SRRM4: variants seen among roughly 807,000 people sequenced by gnomAD.
The protein encoded by SRRM4 is serine/arginine repetitive matrix protein 4.
A neutral mutation model predicts 68.9 loss-of-function variants in SRRM4; 33 were observed. That is an observed-to-expected ratio of 0.48 (90% CI 0.36 to 0.64). The LOEUF is 0.64. Among genes scored for constraint, SRRM4 ranks in the 30% least tolerant of loss-of-function variants. The pLI, the probability that SRRM4 is intolerant of heterozygous loss-of-function variation, is 0.00. For synonymous variants in SRRM4, 318 were observed against 318.8 expected (o/e 1.00, Z 0.03); for missense variants, 817 against 827.1 (o/e 0.99, Z 0.15).
intron 1 of SRRM4, among the ~76,000 whole-genome samples, chr12:119,005,846 A>G (rs905873586): frequency 6.6e-6 from 1 of 152,152 alleles, no homozygotes; most frequent in Non-Finnish European, 1.5e-5. Flanking sequence ...ACATCCATTG[A>G]TGGTTGAATT....
intron 7 of SRRM4, among the ~76,000 whole-genome samples, chr12:119,126,236 C>G (rs1954259427): frequency 1.3e-5 from 2 of 151,788 alleles, no homozygotes; most frequent in African/African-American, 4.8e-5. Context: ...GTTGGCCAGG[C>G]TAGTCTCAAA....
At chr12:119,097,503 T>G (rs574726167) in intron 1 of SRRM4, among the ~76,000 whole-genome samples, 1 of 152,352 alleles carries the variant, frequency 6.6e-6, no homozygotes, top group Admixed American at 6.5e-5. Context: ...CCTCAGCATT[T>G]CCTCTCTGCC....
At chr12:119,010,014 G>A (rs1953439004) in intron 1 of SRRM4, among the ~76,000 whole-genome samples, 1 of 152,090 alleles carries the variant, frequency 6.6e-6, no homozygotes, top group Admixed American at 6.5e-5. Context: ...TATTTTCTTT[G>A]TATGGGAAGC....
At chr12:119,152,890 A>C (rs189145560) in intron 10 of SRRM4, among the ~76,000 whole-genome samples, 52 of 152,368 alleles carry the variant, frequency 3.4e-4, no homozygotes, top group African/African-American at 1.2e-3. Context: ...ATAGTCTACA[A>C]AAATCAAGAG....
At chr12:119,014,504 G>T (rs1953469355) in intron 1 of SRRM4, among the ~76,000 whole-genome samples, 1 of 152,104 alleles carries the variant, frequency 6.6e-6, no homozygotes. Context: ...AAGGAAGGCA[G>T]GTATTAGAGG....
chr12:119,127,200 A>C (rs1954266973), intron 7 of SRRM4, among the ~76,000 whole-genome samples: 1 of 152,036 alleles, frequency 6.6e-6, no homozygotes, highest in Admixed American at 6.6e-5. Context: ...CCTAAAACTT[A>C]AAGTATAATA....
chr12:119,102,097 A>C, intron 1 of SRRM4, 139 bp from the exon 2 acceptor site: 7 of 770,944 alleles, frequency 9.1e-6, no homozygotes, highest in Non-Finnish European at 1.4e-5. Context: ...CTTAGAGACC[A>C]TTGGCCAAAG....
At chr12:119,081,097 GA>G (rs1953945134) in intron 1 of SRRM4, among the ~76,000 whole-genome samples, 1 of 152,314 alleles carries the variant, frequency 6.6e-6, no homozygotes, top group South Asian at 2.1e-4. Context: ...AAAGATCCGA[GA>G]AATAGCTGTG....
Position 119,160,061 on chromosome 12 carries a change from C to T in SRRM4, c.*3263C>T, listed in dbSNP as rs1403897574. ...AGACAGCTCTTGCCCTTTCCAAAGT[C>T]ACTGTCCACTGCCTTGCAATTGCCA... On this transcript the variant is annotated 3_prime_UTR_variant, in exon 13 of 13. Transcript: ENST00000267260. 2 of 152,272 alleles carry T rather than the reference C, an allele frequency of 1.3e-5. No individual in the cohort carries two copies. Among genetic ancestry groups the T allele is most frequent in the African/African-American group, 4.8e-5 (2 of 41,440 alleles). The allele number at this position is 152,272 out of a possible 1,614,324, so 9.4% of individuals were successfully genotyped here.
At chr12:119,021,279 A>G (rs910974530) in intron 1 of SRRM4, among the ~76,000 whole-genome samples, 2 of 152,204 alleles carry the variant, frequency 1.3e-5, no homozygotes, top group Admixed American at 6.5e-5. Context: ...GAAAAAAAAG[A>G]AGTGATCCTA....
intron 3 of SRRM4, among the ~76,000 whole-genome samples, chr12:119,116,466 C>G (rs1325998287): frequency 6.6e-6 from 1 of 152,152 alleles, no homozygotes; most frequent in Non-Finnish European, 1.5e-5. Context: ...GAAGGGAGAA[C>G]AGCAGACAGA....
At chr12:119,080,091 G>A (rs757230543) in intron 1 of SRRM4, among the ~76,000 whole-genome samples, 2 of 152,092 alleles carry the variant, frequency 1.3e-5, no homozygotes, top group Non-Finnish European at 2.9e-5. Context: ...AAAACGTGGG[G>A]TGTCATCCTG....
intron 2 of SRRM4, among the ~76,000 whole-genome samples, chr12:119,106,315 C>A (rs1360657637): frequency 6.6e-6 from 1 of 152,240 alleles, no homozygotes; most frequent in South Asian, 2.1e-4. Flanking sequence ...TCCATATGAA[C>A]TTTAAAGTAG....
At chr12:119,069,846 T>G (rs1953866953) in intron 1 of SRRM4, among the ~76,000 whole-genome samples, 2 of 152,310 alleles carry the variant, frequency 1.3e-5, no homozygotes, top group Non-Finnish European at 1.5e-5. Context: ...GCTAGCTCTG[T>G]GCATTTCCAA....
chr12:119,089,765 A>C (rs79951172), intron 1 of SRRM4, among the ~76,000 whole-genome samples: 4 of 141,726 alleles, frequency 2.8e-5, no homozygotes, highest in African/African-American at 7.9e-5. Flanking sequence ...CATCATCATC[A>C]TCCTCACCAT....
At chr12:119,125,502 T>C in intron 7 of SRRM4, 23 bp downstream of exon 7, 2 of 1,602,690 alleles carry the variant, frequency 1.2e-6, no homozygotes, top group South Asian at 1.1e-5. Context: ...CCCAGGATCC[T>C]CTTCTGTCAG....
At chr12:119,064,138 C>T (rs540177384) in intron 1 of SRRM4, among the ~76,000 whole-genome samples, 2 of 152,254 alleles carry the variant, frequency 1.3e-5, no homozygotes, top group South Asian at 4.2e-4. Flanking sequence ...ATGAATAATC[C>T]ACATCAAGGC....
At chr12:119,067,475 G>C (rs1186033647) in intron 1 of SRRM4, among the ~76,000 whole-genome samples, 1 of 152,186 alleles carries the variant, frequency 6.6e-6, no homozygotes, top group Non-Finnish European at 1.5e-5. Flanking sequence ...GGGAGGCCAA[G>C]GCGGGCAGAT....
intron 9 of SRRM4, 79 bp from the exon 10 acceptor site, chr12:119,150,938 C>A: frequency 7.2e-7 from 1 of 1,385,318 alleles, no homozygotes; most frequent in Non-Finnish European, 1.0e-6. Flanking sequence ...ACAGCCTAGG[C>A]CAAGGTAGGG....
Sources: gnomAD v4.1 joint callset for allele counts (sites outside exome capture counted in the v4.1 genomes callset) on GRCh38, gnomAD v4.1.1 for gene constraint, MANE v1.5 for transcripts, NCBI Gene and HGNC (gene_info 2026-07-23, HGNC 2026-07-21) for gene names.